Variants in PARP14 observed in about 807,000 individuals in gnomAD.
PARP14 encodes the protein poly(ADP-ribose) polymerase family member 14.
In PARP14, 59 loss-of-function variants were observed where a neutral mutation model predicts 154.2. The ratio of observed to expected loss-of-function variants is 0.38; its 90% CI spans 0.31 to 0.48. PARP14 has a LOEUF of 0.48. Among genes scored for constraint, PARP14 ranks in the 20% least tolerant of loss-of-function variants. The probability of loss-of-function intolerance (pLI) is 0.98; values close to 1 mark genes in which losing one functional copy is unlikely to be tolerated. For missense variants in PARP14, 1,734 were observed against 2,131.6 expected (o/e 0.81, Z 3.67); for synonymous variants, 720 against 780.5 (o/e 0.92, Z 1.29).
At chr3:122,684,511 A>G (rs1938308262) in intron 1 of PARP14, among the ~76,000 whole-genome samples, 1 of 152,228 alleles carries the variant, frequency 6.6e-6, no homozygotes, top group South Asian at 2.1e-4. Flanking sequence ...TATTTGTGGT[A>G]GAGTTGGAAT....
intron 1 of PARP14, among the ~76,000 whole-genome samples, chr3:122,682,769 C>T (rs530203774): frequency 4.6e-5 from 7 of 152,160 alleles, no homozygotes; most frequent in East Asian, 1.9e-4. Context: ...AACTCAAAAC[C>T]GGCCGGGCGT....
chr3:122,713,013 A>G (rs1939372466), intron 9 of PARP14, among the ~76,000 whole-genome samples: 1 of 152,222 alleles, frequency 6.6e-6, no homozygotes. Flanking sequence ...AAGAGGAAAA[A>G]TTTTAAAACA....
chr3:122,692,196 A>C, intron 3 of PARP14, 105 bp from the exon 4 acceptor site: 5 of 863,438 alleles, frequency 5.8e-6, no homozygotes, highest in Non-Finnish European at 8.7e-6. Context: ...GAGTTAGCCA[A>C]GAGATTGGCA....
chr3:122,713,011 A>G (rs945227185), intron 9 of PARP14, among the ~76,000 whole-genome samples: 6 of 152,226 alleles, frequency 3.9e-5, no homozygotes, highest in Non-Finnish European at 7.3e-5. Flanking sequence ...AAAAGAGGAA[A>G]AATTTTAAAA....
chr3:122,709,082 G>A (rs1226319338), intron 9 of PARP14, among the ~76,000 whole-genome samples: 2 of 151,940 alleles, frequency 1.3e-5, no homozygotes, highest in South Asian at 4.2e-4. Flanking sequence ...TAGTTTTGGG[G>A]GTACAGGTGG....
Position 122,695,602 on chromosome 3 carries a change from G to A in PARP14, c.775G>A (p.Ala259Thr). 1 of 1,610,744 alleles carries A rather than the reference G, an allele frequency of 6.2e-7. No homozygotes were observed. The highest frequency in any genetic ancestry group is 8.5e-7 in the Non-Finnish European group (1 of 1,177,386). The change falls in exon 5 of 17, where the codon GCC becomes ACC. Residue 259 changes from alanine to threonine, a missense_variant. Ala to Thr is a moderately conservative substitution (Grantham distance 58). Coordinates refer to ENST00000474629, the MANE Select transcript of PARP14 (RefSeq NM_017554.3). Reference protein sequence around the residue: ...ENPYNGGGRVANVEYFPEESS... With the variant: ...ENPYNGGGRVTNVEYFPEESS... ...TCCCTATAATGGAGGGGGAAGAGTT[G>A]CCAATGTTGAATATTTTCCTGAAGA...
Position 122,685,355 on chromosome 3 carries a change from G to T in PARP14, c.321+37G>T, listed in dbSNP as rs367815708. The stretch of plus-strand genomic sequence containing the variant: ...TTAGGCATGAATAAAAGGGATTTAG[G>T]TCTCCCAAGGTGTGTGAGATGGGAA... On this transcript the variant is annotated intron_variant, in intron 2 of 16. Coordinates refer to ENST00000474629, the MANE Select transcript of PARP14 (RefSeq NM_017554.3). 6.1e-5 allele frequency: 97 copies of T among 1,594,644 alleles called. No homozygotes were observed. The African/African-American group carries it at 1.2e-3, about 19-fold the overall frequency.
intron 9 of PARP14, among the ~76,000 whole-genome samples, chr3:122,711,869 G>A (rs1939328719): frequency 6.6e-6 from 1 of 152,118 alleles, no homozygotes; most frequent in South Asian, 2.1e-4. Flanking sequence ...GTTTGTGCAT[G>A]TAAAGGTGTT....
Position 122,701,503 on chromosome 3 carries a change from A to G in PARP14, c.2949A>G (p.Pro983=). 6.2e-7 allele frequency: 1 copy of G among 1,613,650 alleles called. No individual in the cohort carries two copies. The highest frequency in any genetic ancestry group is 8.5e-7 in the Non-Finnish European group (1 of 1,179,660). Residue 983 remains proline (P), a synonymous_variant, in exon 6 of 17, where the codon CCA becomes CCG. Coordinates refer to ENST00000474629, the MANE Select transcript of PARP14 (RefSeq NM_017554.3). The surrounding 1 kb of genome is among the most constrained non-coding windows in gnomAD (Gnocchi z 4.0). ...AAACTGTATTTAAAGCCACCCTGCCAGATACAGCTGCCCCGCCAGGTTTAC... is the reference window on the plus strand; with the variant it reads ...AAACTGTATTTAAAGCCACCCTGCCGGATACAGCTGCCCCGCCAGGTTTAC... The part of the protein sequence containing the change: ...AVKTVFKATL[P]DTAAPPGLPP...
intron 3 of PARP14, among the ~76,000 whole-genome samples, chr3:122,690,267 A>G (rs1269416007): frequency 1.3e-5 from 2 of 152,260 alleles, no homozygotes; most frequent in Admixed American, 1.3e-4. Flanking sequence ...GCCCAAGGTC[A>G]CATGGCTAAA....
intron 3 of PARP14, among the ~76,000 whole-genome samples, chr3:122,687,877 C>T (rs1938421009): frequency 6.6e-6 from 1 of 152,184 alleles, no homozygotes; most frequent in South Asian, 2.1e-4. Context: ...AATCATTGTC[C>T]TGTAATATTG....
At chr3:122,710,796 TTTATTTATTTA>T (rs1560073390) in intron 9 of PARP14, among the ~76,000 whole-genome samples, 1 of 23,964 alleles carries the variant, frequency 4.2e-5, no homozygotes, top group African/African-American at 1.1e-4. Flanking sequence ...AGGTATTTTA[TTTATTTATTTA>T]TTTATTTATT....
chr3:122,713,820 A>C (rs1173817102), intron 10 of PARP14, 52 bp from the exon 11 acceptor site: 3 of 1,286,312 alleles, frequency 2.3e-6, no homozygotes, highest in Non-Finnish European at 3.4e-6. Flanking sequence ...ATCCAAATAT[A>C]CCATAGTGGT....
In PARP14 at chr3:122,701,546, CCTGGGAAA is replaced by C. The variant is rs1938979204; in HGVS notation, c.2993_3000del (p.Pro998HisfsTer27). The C allele has an allele frequency of 4.3e-6, 7 of 1,610,894 alleles. No homozygotes were observed. In the South Asian group the frequency reaches 5.5e-5, roughly 13 times the overall value. ...AGGTTTACCACCAGCAGCAGCGGGG[CCTGGGAAA>C]ACATCATGGGAAAAAGGAAGCCTGG... On this transcript the variant is annotated frameshift_variant, in exon 6 of 17. Transcript: ENST00000474629. LOFTEE classifies it high-confidence loss of function. The surrounding 1 kb of genome is among the most constrained non-coding windows in gnomAD (Gnocchi z 4.0).
In PARP14 at chr3:122,701,555, A is replaced by G; in HGVS notation, c.3001A>G (p.Thr1001Ala). ...LPPAAAGPGK[T>A]SWEKGSLVSP... ...ACCAGCAGCAGCGGGGCCTGGGAAA[A>G]CATCATGGGAAAAAGGAAGCCTGGT... Residue 1001 changes from threonine (T) to alanine (A), a missense_variant, in exon 6 of 17, where the codon ACA (threonine) becomes GCA (alanine). By Grantham distance (58) the Thr-to-Ala change is moderately conservative. Around this residue, in one of 2 missense-constraint regions of PARP14, gnomAD observed 1,646 missense variants for 1,976.0 expected, o/e 0.83. Transcript: ENST00000474629. The surrounding 1 kb of genome is among the most constrained non-coding windows in gnomAD (Gnocchi z 4.0). 6.2e-7 allele frequency: 1 copy of G among 1,610,462 alleles called. No homozygotes were observed. The highest frequency in any genetic ancestry group is 8.5e-7 in the Non-Finnish European group (1 of 1,178,106).
rs1199211281 is a variant in PARP14 at position 122,701,348 on chromosome 3, C to T, written c.2794C>T (p.Arg932Ter). ...TGGAGTCTTTGGCTTTCCCTTAGGCCGATGCGTGGAGACCATTGTTTCTGC... is the reference window on the plus strand; with the variant it reads ...TGGAGTCTTTGGCTTTCCCTTAGGCTGATGCGTGGAGACCATTGTTTCTGC... ...SSGVFGFPLGRCVETIVSAIK... is the reference protein window; with the variant it reads ...SSGVFGFPLG Residue 932 changes from arginine to a stop codon, truncating the protein, a stop_gained, in exon 6 of 17, where the codon CGA (arginine) becomes TGA (stop). Coordinates refer to ENST00000474629, the MANE Select transcript of PARP14 (RefSeq NM_017554.3). LOFTEE classifies it high-confidence loss of function. This position sits in a 1 kb window ranked among gnomAD's most constrained non-coding sequence, Gnocchi z 4.0. The T allele has an allele frequency of 4.3e-6, 7 of 1,614,024 alleles. No homozygotes were observed. Among genetic ancestry groups the T allele is most frequent in the Non-Finnish European group, 5.9e-6 (7 of 1,179,894 alleles).
chr3:122,715,077 G>A (rs148984867), intron 12 of PARP14, among the ~76,000 whole-genome samples: 218 of 151,682 alleles, frequency 1.4e-3, no homozygotes, highest in African/African-American at 5.0e-3. Context: ...TAAGGATGGC[G>A]CTCTGGATTT....
rs762152290 is a variant in PARP14, at chr3:122,704,519, C to T, written c.3319-8C>T. 1.7e-5 allele frequency: 26 copies of T among 1,536,714 alleles called. No homozygotes were observed. Among genetic ancestry groups the T allele is most frequent in the South Asian group, 2.3e-5 (2 of 86,336 alleles). On this transcript the variant is annotated splice_region_variant and splice_polypyrimidine_tract_variant and intron_variant, in intron 7 of 16. Coordinates refer to ENST00000474629, the MANE Select transcript of PARP14 (RefSeq NM_017554.3). Reference sequence around the variant, plus strand: ...AAGATGTATAAGGATGTGCTTTGTGCGTTTCAGATAATGGAAGACATAATC... The same window carrying T: ...AAGATGTATAAGGATGTGCTTTGTGTGTTTCAGATAATGGAAGACATAATC...
At chr3:122,719,551 C>T (rs901181500) in intron 14 of PARP14, among the ~76,000 whole-genome samples, 55 of 152,170 alleles carry the variant, frequency 3.6e-4, no homozygotes, top group African/African-American at 1.3e-3. Flanking sequence ...TGTAGGCAGC[C>T]CTTCCTACCT....
Sources: allele counts gnomAD v4.1 joint callset (sites outside exome capture counted in the v4.1 genomes callset), GRCh38; gene constraint gnomAD v4.1.1; regional missense constraint gnomAD v4.1.1; non-coding constraint Gnocchi (gnomAD v3.1); transcripts MANE v1.5; gene names NCBI Gene and HGNC (gene_info 2026-07-23, HGNC 2026-07-21).